Variants in ASAP3 observed in about 807,000 individuals in gnomAD.
The protein encoded by ASAP3 is arf-GAP with SH3 domain, ANK repeat and PH domain-containing protein 3.
A neutral mutation model predicts 118.2 loss-of-function variants in ASAP3; 85 were observed. The observed-to-expected ratio is 0.72, with a 90% CI of 0.60 to 0.86. The LOEUF is 0.86. ASAP3 is among the 40% of genes least tolerant of loss of function. The pLI is 0.00. For synonymous variants in ASAP3, 432 were observed against 477.4 expected, an observed-to-expected ratio of 0.90 and a Z score of 1.24; for missense variants, 1,026 against 1,175.0, an observed-to-expected ratio of 0.87 and a Z score of 1.85.
At position 23,466,067 on chromosome 1, in the gene ASAP3, C is replaced by A. The variant is rs147139098; in HGVS notation, c.130-9873G>T. Among the ~76,000 whole-genome samples the A allele has an allele frequency of 3.7e-3, 570 of 152,284 alleles. 6 individuals carry two copies. The highest frequency in any genetic ancestry group is 6.4e-3 in the Non-Finnish European group (438 of 68,018). On this transcript the variant is annotated intron_variant, in intron 1 of 24. Transcript: ENST00000336689. The stretch of plus-strand genomic sequence containing the variant: ...AATGGTGAGGCCCCGAATACAAACA[C>A]TGTAAAGGATGTCCTACTGAAAAGA...
chr1:23,447,064 T>G (rs931796381), intron 5 of ASAP3, among the ~76,000 whole-genome samples: 10 of 152,184 alleles, frequency 6.6e-5, no homozygotes, highest in South Asian at 2.1e-4. Flanking sequence ...TCTAATGCCA[T>G]GCTGATCTGA....
At chr1:23,454,642 C>T (rs1259222355) in intron 3 of ASAP3, among the ~76,000 whole-genome samples, 2 of 152,204 alleles carry the variant, frequency 1.3e-5, no homozygotes, top group East Asian at 1.9e-4. Flanking sequence ...AGGCTTTTTA[C>T]ATGCAGGACA....
At chr1:23,444,681 G>GT in intron 5 of ASAP3, among the ~76,000 whole-genome samples, 1 of 152,314 alleles carries the variant, frequency 6.6e-6, no homozygotes, top group African/African-American at 2.4e-5. Flanking sequence ...ATGGTCTACG[G>GT]TAAGTTCTCA....
rs1260276184 is a variant in ASAP3, at chr1:23,435,997, A to G, written c.1603T>C (p.Tyr535His). 1 of 1,614,112 alleles carries G rather than the reference A, an allele frequency of 6.2e-7. No individual in the cohort carries two copies. The highest frequency in any genetic ancestry group is 8.5e-7 in the Non-Finnish European group (1 of 1,180,048). The stretch of plus-strand genomic sequence containing the variant: ...CGGCGTGCAAACCTATGCTCCACAT[A>G]CTTGGCCATAATGTAGTCCCTGCGG... ...GTRRDYIMAKYVEHRFARRCT... is the reference protein window; with the variant it reads ...GTRRDYIMAKHVEHRFARRCT... The change falls in exon 17 of 25, where the codon TAT becomes CAT. Residue 535 changes from tyrosine (Y) to histidine (H), a missense_variant. By Grantham distance (83) the Tyr-to-His change is moderately conservative (BLOSUM62 2). Coordinates refer to ENST00000336689, the MANE Select transcript of ASAP3 (RefSeq NM_017707.4).
chr1:23,482,952 A>C (rs78861788), intron 1 of ASAP3, among the ~76,000 whole-genome samples: 1 of 120,428 alleles, frequency 8.3e-6, no homozygotes, highest in Non-Finnish European at 1.7e-5. Flanking sequence ...ACTCCGTCTC[A>C]AAAAAAAAAA....
chr1:23,461,109 C>T (rs931337083), intron 1 of ASAP3, among the ~76,000 whole-genome samples: 2 of 152,154 alleles, frequency 1.3e-5, no homozygotes, highest in African/African-American at 2.4e-5. Flanking sequence ...GGAAACATTT[C>T]TGTATGATGC....
intron 1 of ASAP3, among the ~76,000 whole-genome samples, chr1:23,463,313 C>T (rs747955659): frequency 3.3e-5 from 5 of 151,988 alleles, no homozygotes; most frequent in Admixed American, 6.5e-5. Context: ...TGGTTGATAA[C>T]ACCTATCCTG....
At chr1:23,482,564 G>A (rs1642341048) in intron 1 of ASAP3, among the ~76,000 whole-genome samples, 1 of 152,006 alleles carries the variant, frequency 6.6e-6, no homozygotes, top group African/African-American at 2.4e-5. Context: ...CTCATGTGAG[G>A]TACACATTAT....
chr1:23,434,213 T>C, intron 19 of ASAP3, 41 bp downstream of exon 19: 2 of 1,597,474 alleles, frequency 1.3e-6, no homozygotes, highest in Non-Finnish European at 8.6e-7. Flanking sequence ...TAAGGGGTAG[T>C]CAGGAATAGG....
chr1:23,441,349 G>A, intron 9 of ASAP3, 38 bp downstream of exon 9: 2 of 1,611,230 alleles, frequency 1.2e-6, no homozygotes, highest in South Asian at 1.1e-5. Context: ...GTGGGCCTTG[G>A]GGGAGGGCAT....
At chr1:23,474,390 C>T (rs747776689) in intron 1 of ASAP3, among the ~76,000 whole-genome samples, 1 of 152,066 alleles carries the variant, frequency 6.6e-6, no homozygotes, top group African/African-American at 2.4e-5. Context: ...CCTCGGAACA[C>T]TTCTCTCCTG....
At chr1:23,483,073 G>A (rs2148670026) in intron 1 of ASAP3, among the ~76,000 whole-genome samples, 1 of 145,412 alleles carries the variant, frequency 6.9e-6, no homozygotes, top group South Asian at 2.1e-4. Flanking sequence ...ACCCTGACAA[G>A]AGAGAAGAGG....
rs1402255057 is a variant in ASAP3 at position 23,431,928 on chromosome 1, GA to G, written c.2324-11del. ...GAGACTTCAGAACGATCTGGAATCA[GA>G]AACATCAGAAATGATAAAGCTTTTC... On this transcript the variant is annotated splice_polypyrimidine_tract_variant and intron_variant, in intron 22 of 24. Coordinates refer to ENST00000336689, the MANE Select transcript of ASAP3 (RefSeq NM_017707.4). 4 of 1,610,910 alleles carry G rather than the reference GA, an allele frequency of 2.5e-6. No homozygotes were observed. The South Asian group carries it at 4.4e-5, about 18-fold the overall frequency.
intron 1 of ASAP3, among the ~76,000 whole-genome samples, chr1:23,458,988 G>T (rs1431619742): frequency 6.6e-6 from 1 of 151,982 alleles, no homozygotes; most frequent in African/African-American, 2.4e-5. Context: ...TGACCAACAT[G>T]GCGAAACACT....
chr1:23,481,095 G>T (rs531159303), intron 1 of ASAP3, among the ~76,000 whole-genome samples: 12 of 152,284 alleles, frequency 7.9e-5, no homozygotes, highest in Admixed American at 2.0e-4. Flanking sequence ...CTATCCAGCC[G>T]CAGGAGCTTG....
Position 23,484,139 on chromosome 1 carries a change from G to T in ASAP3, c.-6C>A. 1 of 1,267,912 alleles carries T rather than the reference G, an allele frequency of 7.9e-7. No individual in the cohort carries two copies. Among genetic ancestry groups the T allele is most frequent in the Non-Finnish European group, 9.9e-7 (1 of 1,008,508 alleles). The allele number at this position is 1,267,912 out of a possible 1,614,324, so 78.5% of individuals were successfully genotyped here. On this transcript the variant is annotated 5_prime_UTR_variant, in exon 1 of 25. Transcript: ENST00000336689. ...ACGCTGAACTGCTCCGGCATGGCGG[G>T]CGCGAGCGTGGAGCTGCCGGAGCGG...
Position 23,436,712 on chromosome 1 carries a change from T to G in ASAP3, c.1477-58A>C, listed in dbSNP as rs1373222583. Reference sequence around the variant, plus strand: ...GTAAGACCGGGCGGTTAAGCCTGCATAGGGTGGAGCTCCAAGCCCCCAGAG... The same window carrying G: ...GTAAGACCGGGCGGTTAAGCCTGCAGAGGGTGGAGCTCCAAGCCCCCAGAG... On this transcript the variant is annotated intron_variant, in intron 15 of 24. Transcript: ENST00000336689. The surrounding 1 kb of genome is among the most constrained non-coding windows in gnomAD (Gnocchi z 4.2). The G allele has an allele frequency of 4.4e-6, 7 of 1,604,108 alleles. No individual in the cohort carries two copies. Among genetic ancestry groups the G allele is most frequent in the Non-Finnish European group, 6.0e-6 (7 of 1,171,506 alleles).
In ASAP3 at chr1:23,431,794, G is replaced by C; in HGVS notation, c.2448C>G (p.Pro816=). The part of the protein sequence containing the change: ...LEPGDPSQAP[P]NSEEGLREPP... ...GCTCTCGGAGGCCCTCTTCAGAGTT[G>C]GGTGGGGCTTGGCTGGGATCCCCAG... Residue 816 remains proline (P), a synonymous_variant, in exon 23 of 25, where the codon CCC becomes CCG. Transcript: ENST00000336689. 1 of 1,549,886 alleles carries C rather than the reference G, an allele frequency of 6.5e-7. No homozygotes were observed. Among genetic ancestry groups the C allele is most frequent in the South Asian group, 1.2e-5 (1 of 80,476 alleles).
At chr1:23,449,463 T>TC (rs1641147385) in intron 5 of ASAP3, among the ~76,000 whole-genome samples, 1 of 152,162 alleles carries the variant, frequency 6.6e-6, no homozygotes, top group African/African-American at 2.4e-5. Context: ...GGGGTGAAGC[T>TC]CCCAGTGGTA....
Sources: gnomAD v4.1 joint callset for allele counts (sites outside exome capture counted in the v4.1 genomes callset) on GRCh38, gnomAD v4.1.1 for gene constraint, Gnocchi (gnomAD v3.1) non-coding constraint, MANE v1.5 for transcripts, NCBI Gene and HGNC (gene_info 2026-07-23, HGNC 2026-07-21) for gene names.